The following GPR63 variants were observed in gnomAD, a reference collection of about 807,000 sequenced individuals.
GPR63 encodes probable G protein-coupled receptor 63.
A neutral mutation model predicts 23.1 loss-of-function variants in GPR63; 12 were observed. The observed-to-expected ratio is 0.52, with a 90% CI of 0.33 to 0.84. The LOEUF is 0.84. Among genes scored for constraint, GPR63 ranks in the 40% least tolerant of loss-of-function variants. The pLI is 0.02. For missense variants in GPR63, 472 were observed against 515.6 expected (o/e 0.92, Z 0.82); for synonymous variants, 172 against 191.1 (o/e 0.90, Z 0.82).
In GPR63 at chr6:96,798,533, G is replaced by T; in HGVS notation, c.1199C>A (p.Thr400Lys). 1 of 1,614,210 alleles carries T rather than the reference G, an allele frequency of 6.2e-7. No homozygotes were observed. Among genetic ancestry groups the T allele is most frequent in the South Asian group, 1.1e-5 (1 of 91,082 alleles). The change falls in exon 2 of 2, where the codon ACA becomes AAA. Residue 400 changes from threonine (T) to lysine (K), a missense_variant. Coordinates refer to ENST00000229955, the MANE Select transcript of GPR63 (RefSeq NM_030784.4). ...FKFLPQLPGH[T>K]KRRIRPSAVY... Reference sequence around the variant, plus strand: ...AGCACTAGGACGTATCCGTCGCTTTGTGTGACCAGGGAGCTGCGGCAAAAA... The same window carrying T: ...AGCACTAGGACGTATCCGTCGCTTTTTGTGACCAGGGAGCTGCGGCAAAAA...
rs187861486 is a variant in GPR63, at chr6:96,807,299, C to G, written c.-150-7418G>C. On this transcript the variant is annotated intron_variant, in intron 1 of 1. Coordinates refer to ENST00000229955, the MANE Select transcript of GPR63 (RefSeq NM_030784.4). ...CAGAGATTATACATGTGCTCAGCAA[C>G]ATGGACTTCCACTCACCCAGATCAA... Among the ~76,000 whole-genome samples, 144 of 152,258 alleles carry G rather than the reference C, an allele frequency of 9.5e-4. 1 individual carries two copies. Among genetic ancestry groups the G allele is most frequent in the African/African-American group, 3.4e-3 (141 of 41,570 alleles).
At chr6:96,812,788 C>T (rs1263960756) in intron 1 of GPR63, among the ~76,000 whole-genome samples, 3 of 151,926 alleles carry the variant, frequency 2.0e-5, no homozygotes, top group African/African-American at 7.2e-5. Context: ...GTGTAATAAT[C>T]AAGTCGGGGT....
chr6:96,796,246 A>G lies in GPR63; in HGVS notation c.*2226T>C, dbSNP rs1773575768. ...CAAAGGGTGAGGTGATGCTGAAGTC[A>G]GCTAGGCTCTTCAAAAATCTATACC... is the stretch of plus-strand genomic sequence containing the variant. On this transcript the variant is annotated 3_prime_UTR_variant, in exon 2 of 2. Transcript: ENST00000229955. 1 of 152,226 alleles carries G rather than the reference A, an allele frequency of 6.6e-6. No individual in the cohort carries two copies. Among genetic ancestry groups the G allele is most frequent in the Admixed American group, 6.5e-5 (1 of 15,286 alleles). The allele number at this position is 152,226 out of a possible 1,614,324, so 9.4% of individuals were successfully genotyped here. A position where few individuals can be genotyped will look rare whatever the true frequency, so the allele number is the denominator to read the frequency against.
At chr6:96,829,177 G>A (rs1774516701) in intron 1 of GPR63, among the ~76,000 whole-genome samples, 2 of 152,138 alleles carry the variant, frequency 1.3e-5, no homozygotes, top group Non-Finnish European at 2.9e-5. Context: ...AGTAGCTAGA[G>A]AATACACATC....
intron 1 of GPR63, among the ~76,000 whole-genome samples, chr6:96,810,512 AAG>A (rs1491421559): frequency 6.7e-6 from 1 of 148,392 alleles, no homozygotes; most frequent in Non-Finnish European, 1.5e-5. Context: ...AAAAAAAAAA[AAG>A]ATAACAGTTA....
At position 96,797,572 on chromosome 6, in the gene GPR63, G is replaced by C. The variant is rs1039789310; in HGVS notation, c.*900C>G. On this transcript the variant is annotated 3_prime_UTR_variant, in exon 2 of 2. Transcript: ENST00000229955. Reference sequence around the variant, plus strand: ...AATAATACCTACCTCACAACATCCTGTAAGGATAAAATGATGCACAGTGCC... The same window carrying C: ...AATAATACCTACCTCACAACATCCTCTAAGGATAAAATGATGCACAGTGCC... 6.6e-6 allele frequency: 1 copy of C among 152,142 alleles called. No individual in the cohort carries two copies. The highest frequency in any genetic ancestry group is 2.4e-5 in the African/African-American group (1 of 41,412). 9.4% of individuals were successfully genotyped at this position (152,142 alleles called of 1,614,324 possible). A position where few individuals can be genotyped will look rare whatever the true frequency, so the allele number is the denominator to read the frequency against.
rs551022873 is a variant in GPR63, at chr6:96,799,333, C to A, written c.399G>T (p.Leu133=). ...TAGTTACCAGGGCAAAGGGCATGTT[C>A]AGCACTGCAAGCAACATGTCTGCAA... ...LAFADMLLAV[L]NMPFALVTIL... is the part of the protein sequence containing the mutation. Residue 133 remains leucine, a synonymous_variant, in exon 2 of 2, where the codon CTG becomes CTT. Transcript: ENST00000229955. The A allele has an allele frequency of 3.3e-5, 54 of 1,614,026 alleles. No individual in the cohort carries two copies. The Middle Eastern group carries it at 1.2e-3, about 34-fold the overall frequency.
At chr6:96,831,882 GGC>G (rs1774592164) in intron 1 of GPR63, among the ~76,000 whole-genome samples, 2 of 151,466 alleles carry the variant, frequency 1.3e-5, no homozygotes, top group African/African-American at 4.9e-5. Flanking sequence ...TTCCAGCCTG[GGC>G]AACACGGTGA....
intron 1 of GPR63, among the ~76,000 whole-genome samples, chr6:96,814,936 T>G (rs1415059630): frequency 1.3e-5 from 2 of 152,216 alleles, no homozygotes; most frequent in Non-Finnish European, 2.9e-5. Context: ...CCATTATCCC[T>G]TAATCTCAGA....
chr6:96,805,349 C>T (rs1773868332), intron 1 of GPR63, among the ~76,000 whole-genome samples: 2 of 152,252 alleles, frequency 1.3e-5, no homozygotes, highest in South Asian at 4.1e-4. Flanking sequence ...TGCAAAAACT[C>T]ACTCACTACG....
chr6:96,822,222 TA>T (rs1369078550), intron 1 of GPR63, among the ~76,000 whole-genome samples: 1 of 151,984 alleles, frequency 6.6e-6, no homozygotes, highest in East Asian at 1.9e-4. Flanking sequence ...ATCACTGAAA[TA>T]AAGATCATTC....
chr6:96,812,648 A>T (rs997112589), intron 1 of GPR63, among the ~76,000 whole-genome samples: 7 of 152,236 alleles, frequency 4.6e-5, no homozygotes, highest in South Asian at 4.1e-4. Context: ...GATAAGTCCT[A>T]TCGGTGATAG....
chr6:96,796,560 C>T lies in GPR63; in HGVS notation c.*1912G>A, dbSNP rs1773583552. On this transcript the variant is annotated 3_prime_UTR_variant, in exon 2 of 2. Transcript: ENST00000229955. The stretch of plus-strand genomic sequence containing the variant: ...CTAGATGCACCTGGGGGCAGACTGT[C>T]AGCAAGAGAAAAACAATTTGAAATG... 1 of 152,188 alleles carries T rather than the reference C, an allele frequency of 6.6e-6. No homozygotes were observed. The highest frequency in any genetic ancestry group is 2.4e-5 in the African/African-American group (1 of 41,446). The allele number at this position is 152,188 out of a possible 1,614,324, so 9.4% of individuals were successfully genotyped here. A position where few individuals can be genotyped will look rare whatever the true frequency, so the allele number is the denominator to read the frequency against.
Position 96,799,791 on chromosome 6 carries a change from C to A in GPR63, c.-60G>T. The A allele has an allele frequency of 6.5e-7, 1 of 1,544,820 alleles. No homozygotes were observed. Among genetic ancestry groups the A allele is most frequent in the Non-Finnish European group, 9.0e-7 (1 of 1,117,296 alleles). ...CAGGAGTTCTTCAAGCATTTCAACA[C>A]AGAACAGCAGTATCAGGTCCCATTG... On this transcript the variant is annotated 5_prime_UTR_variant, in exon 2 of 2. Coordinates refer to ENST00000229955, the MANE Select transcript of GPR63 (RefSeq NM_030784.4).
At chr6:96,834,721 A>AAT (rs1300875261) in intron 1 of GPR63, among the ~76,000 whole-genome samples, 6 of 152,356 alleles carry the variant, frequency 3.9e-5, no homozygotes, top group Non-Finnish European at 8.8e-5. Flanking sequence ...CATAAGCTGA[A>AAT]ATATAGCAGC....
At position 96,797,641 on chromosome 6, in the gene GPR63, T is replaced by G. The variant is rs1582240532; in HGVS notation, c.*831A>C. The G allele has an allele frequency of 6.6e-6, 1 of 152,114 alleles. No homozygotes were observed. Among genetic ancestry groups the G allele is most frequent in the African/African-American group, 2.4e-5 (1 of 41,408 alleles). The allele number at this position is 152,114 out of a possible 1,614,324, so 9.4% of individuals were successfully genotyped here. Reference sequence around the variant, plus strand: ...AAATATCAACCCCTTCTCCCTATACTCCACAAAAACCCTTGAGTAAAAGGA... The same window carrying G: ...AAATATCAACCCCTTCTCCCTATACGCCACAAAAACCCTTGAGTAAAAGGA... On this transcript the variant is annotated 3_prime_UTR_variant, in exon 2 of 2. Coordinates refer to ENST00000229955, the MANE Select transcript of GPR63 (RefSeq NM_030784.4).
In GPR63 at chr6:96,818,216, C is replaced by CT. The variant is rs1230317225; in HGVS notation, c.-150-18336dup. Reference sequence around the variant, plus strand: ...GTGGCTCAGGCCTGTAATCCCAGCACTTTAGGAGGCCAAGGCGGGTGGATC... The same window carrying CT: ...GTGGCTCAGGCCTGTAATCCCAGCACTTTTAGGAGGCCAAGGCGGGTGGATC... On this transcript the variant is annotated intron_variant, in intron 1 of 1. Transcript: ENST00000229955. 2.6e-5 allele frequency among the ~76,000 whole-genome samples: 4 copies of CT among 152,084 alleles called. No homozygotes were observed. In the East Asian group the frequency reaches 7.8e-4, roughly 30 times the overall value.
At chr6:96,821,618 A>T (rs1379907290) in intron 1 of GPR63, among the ~76,000 whole-genome samples, 1 of 152,194 alleles carries the variant, frequency 6.6e-6, no homozygotes. Context: ...CCCAGATGCA[A>T]CTGTAATCTG....
At chr6:96,835,125 T>G (rs1313065353) in intron 1 of GPR63, among the ~76,000 whole-genome samples, 1 of 152,162 alleles carries the variant, frequency 6.6e-6, no homozygotes, top group Non-Finnish European at 1.5e-5. Context: ...AGGATATGGT[T>G]CCCTGATCCA....
Sources: allele counts gnomAD v4.1 joint callset (sites outside exome capture counted in the v4.1 genomes callset), GRCh38; gene constraint gnomAD v4.1.1; transcripts MANE v1.5; gene names NCBI Gene and HGNC (gene_info 2026-07-23, HGNC 2026-07-21).